The following SIN3A variants were observed in gnomAD, a reference collection of about 807,000 sequenced individuals.
SIN3A encodes paired amphipathic helix protein Sin3a.
In SIN3A, 14 loss-of-function variants were observed where a neutral mutation model predicts 146.1. The ratio of observed to expected loss-of-function variants is 0.10; its 90% CI spans 0.06 to 0.15. The LOEUF (loss-of-function observed/expected upper bound fraction) is 0.15, where lower values mean the gene tolerates loss of function less well. Ranked by LOEUF, SIN3A falls within the 10% of genes least tolerant of loss-of-function variation. The pLI is 1.00. For synonymous variants in SIN3A, 572 were observed against 572.0 expected (o/e 1.00, Z 0.00); for missense variants, 1,028 against 1,576.0 (o/e 0.65, Z 5.89).
At chr15:75,387,266 C>A (rs1010886582) in intron 16 of SIN3A, among the ~76,000 whole-genome samples, 1 of 151,960 alleles carries the variant, frequency 6.6e-6, no homozygotes, top group Non-Finnish European at 1.5e-5. Flanking sequence ...GGCTCATGCC[C>A]GTAATCGCAG....
intron 1 of SIN3A, among the ~76,000 whole-genome samples, chr15:75,434,668 G>A (rs2074073021): frequency 6.7e-6 from 1 of 148,972 alleles, no homozygotes; most frequent in Non-Finnish European, 1.5e-5. Context: ...AAAATAAAAG[G>A]TCAGGCGCCG....
At chr15:75,439,498 G>A (rs762943795) in intron 1 of SIN3A, among the ~76,000 whole-genome samples, 8 of 150,962 alleles carry the variant, frequency 5.3e-5, no homozygotes, top group Non-Finnish European at 1.2e-4. Context: ...CTGCCACCAC[G>A]CCTGGCTAAT....
In SIN3A at chr15:75,400,894, T is replaced by C; in HGVS notation, c.1573A>G (p.Lys525Glu). 6.2e-7 allele frequency: 1 copy of C among 1,614,102 alleles called. No homozygotes were observed. The highest frequency in any genetic ancestry group is 1.1e-5 in the South Asian group (1 of 91,086). Residue 525 changes from lysine to glutamate, a missense_variant, in exon 11 of 21, where the codon AAG becomes GAG. This residue lies in a region of SIN3A where 157 missense variants were observed against 284.8 expected (regional missense o/e 0.55). Transcript: ENST00000394947. ...FNWFKNFLGY[K>E]ESVHLETYPK... ...TAAGTTTCCAGATGTACAGACTCCT[T>C]ATAGCCCAGAAAGTTTTTAAACCAA...
chr15:75,408,506 A>G (rs957386846), intron 8 of SIN3A, among the ~76,000 whole-genome samples: 4 of 152,210 alleles, frequency 2.6e-5, no homozygotes, highest in East Asian at 1.9e-4. Context: ...TGTCTCTTCT[A>G]TATTACATAC....
intron 17 of SIN3A, among the ~76,000 whole-genome samples, chr15:75,383,605 T>C (rs1248715978): frequency 6.6e-6 from 1 of 151,678 alleles, no homozygotes; most frequent in African/African-American, 2.4e-5. Context: ...CTCAGCTTAC[T>C]GCAAGCTCCG....
At chr15:75,401,712 T>C in intron 10 of SIN3A, 140 bp downstream of exon 10, 1 of 612,088 alleles carries the variant, frequency 1.6e-6, no homozygotes, top group South Asian at 2.0e-5. Flanking sequence ...AGAAGACTTC[T>C]CAGGACTCTT....
chr15:75,417,423 T>C (rs2073760623), intron 3 of SIN3A, among the ~76,000 whole-genome samples: 2 of 151,886 alleles, frequency 1.3e-5, no homozygotes, highest in Non-Finnish European at 2.9e-5. Context: ...TCTCCCAGGC[T>C]AGAGTGCAAT....
At chr15:75,433,277 G>A (rs1027275853) in intron 1 of SIN3A, among the ~76,000 whole-genome samples, 1 of 152,116 alleles carries the variant, frequency 6.6e-6, no homozygotes. Flanking sequence ...GCAAAAGGAG[G>A]GGATCAGCCT....
At chr15:75,445,175 G>A (rs2074283023) in intron 1 of SIN3A, among the ~76,000 whole-genome samples, 1 of 151,734 alleles carries the variant, frequency 6.6e-6, no homozygotes, top group Admixed American at 6.6e-5. Context: ...GAGGCCAGGA[G>A]TTCAAGACAA....
chr15:75,391,271 A>G (rs2073194424), intron 15 of SIN3A, among the ~76,000 whole-genome samples: 1 of 152,234 alleles, frequency 6.6e-6, no homozygotes. Context: ...AGACAAGACA[A>G]CATTATGTAA....
intron 16 of SIN3A, among the ~76,000 whole-genome samples, chr15:75,384,831 T>C (rs1237036167): frequency 6.6e-6 from 1 of 152,182 alleles, no homozygotes; most frequent in Non-Finnish European, 1.5e-5. Context: ...TCTTCACAAC[T>C]GCCCTGGGAA....
upstream of SIN3A, among the ~76,000 whole-genome samples, chr15:75,452,255 G>T (rs769801172): frequency 3.4e-4 from 51 of 152,218 alleles, no homozygotes; most frequent in Non-Finnish European, 6.6e-4. Context: ...GTCTAGGAAG[G>T]AGCTAATTCC....
At chr15:75,390,895 A>C (rs935381543) in intron 15 of SIN3A, among the ~76,000 whole-genome samples, 1 of 152,188 alleles carries the variant, frequency 6.6e-6, no homozygotes, top group South Asian at 2.1e-4. Context: ...CACTTCAACA[A>C]AAAGTTGACT....
At chr15:75,391,516 A>G (rs74464282) in intron 15 of SIN3A, among the ~76,000 whole-genome samples, 1 of 145,156 alleles carries the variant, frequency 6.9e-6, no homozygotes, top group Non-Finnish European at 1.5e-5. Context: ...AAAAAAAAAA[A>G]AGAAGAAGAA....
chr15:75,450,011 C>G (rs889129835), intron 1 of SIN3A, among the ~76,000 whole-genome samples: 7 of 152,030 alleles, frequency 4.6e-5, no homozygotes, highest in Non-Finnish European at 1.0e-4. Flanking sequence ...AACTCCTGAC[C>G]TCAAGTGATC....
intron 8 of SIN3A, 120 bp from the exon 9 acceptor site, chr15:75,407,264 T>G: frequency 7.8e-6 from 5 of 639,956 alleles, no homozygotes; most frequent in Non-Finnish European, 8.2e-6. Context: ...TTGAAACAAA[T>G]GAGAGAACTC....
At position 75,375,803 on chromosome 15, in the gene SIN3A, G is replaced by C. The variant is rs761876235; in HGVS notation, c.3453C>G (p.Asn1151Lys). The C allele has an allele frequency of 5.6e-6, 9 of 1,614,044 alleles. No individual in the cohort carries two copies. The highest frequency in any genetic ancestry group is 7.6e-6 in the Non-Finnish European group (9 of 1,180,038). ...EQQEKEGKEGNSKKTMENVDS... is the reference protein window; with the variant it reads ...EQQEKEGKEGKSKKTMENVDS... ...CCACATTCTCCATGGTCTTCTTGCT[G>C]TTTCCTTCCTTCCCTTCCTTTTCCT... Residue 1151 changes from asparagine (N) to lysine (K), a missense_variant, in exon 20 of 21, where the codon AAC becomes AAG. By Grantham distance (94) the Asn-to-Lys change is moderately conservative. This residue lies in a region of SIN3A where 488 missense variants were observed against 690.2 expected (regional missense o/e 0.71). Coordinates refer to ENST00000394947, the MANE Select transcript of SIN3A (RefSeq NM_001145358.2).
intron 1 of SIN3A, among the ~76,000 whole-genome samples, chr15:75,438,152 G>A (rs2074138132): frequency 6.6e-6 from 1 of 152,148 alleles, no homozygotes; most frequent in Admixed American, 6.5e-5. Flanking sequence ...CTTGAGGTCA[G>A]GAGTTCAAAA....
intron 16 of SIN3A, among the ~76,000 whole-genome samples, chr15:75,385,099 G>C (rs572422528): frequency 4.6e-5 from 7 of 152,274 alleles, no homozygotes; most frequent in African/African-American, 7.2e-5. Context: ...CTTGAACCTG[G>C]GAGATGGAGG....
Sources: gnomAD v4.1 joint callset for allele counts (sites outside exome capture counted in the v4.1 genomes callset) on GRCh38, gnomAD v4.1.1 for gene constraint, gnomAD v4.1.1 regional missense constraint, MANE v1.5 for transcripts, NCBI Gene and HGNC (gene_info 2026-07-23, HGNC 2026-07-21) for gene names.